C2orf42: variants seen among roughly 807,000 people sequenced by gnomAD.
C2orf42 encodes chromosome 2 open reading frame 42.
C2orf42 carries 44 observed loss-of-function variants against 58.9 expected under a neutral mutation model. The observed-to-expected ratio is 0.75, with a 90% CI of 0.59 to 0.96. C2orf42 has a LOEUF of 0.96. Ranked by LOEUF, C2orf42 falls within the 40% of genes least tolerant of loss-of-function variation. C2orf42 has a pLI of 0.00. For missense variants in C2orf42, 630 were observed against 699.2 expected, an observed-to-expected ratio of 0.90 and a Z score of 1.12; for synonymous variants, 239 against 265.4, an observed-to-expected ratio of 0.90 and a Z score of 0.97.
chr2:70,157,392 C>T (rs1672745248), intron 9 of C2orf42, among the ~76,000 whole-genome samples: 1 of 151,966 alleles, frequency 6.6e-6, no homozygotes, highest in South Asian at 2.1e-4. Context: ...GGGGCGGAGC[C>T]TGCAGTGAGC....
intron 2 of C2orf42, chr2:70,182,301 T>TG (rs781571233): frequency 8.9e-5 from 19 of 213,382 alleles, no homozygotes; most frequent in Non-Finnish European, 1.7e-4. Context: ...GGTTTGACCA[T>TG]GTTGGCCAGG....
Position 70,150,241 on chromosome 2 carries a change from G to C in C2orf42, c.*115C>G, listed in dbSNP as rs1255580438. ...GAAAGCACTGAGAATTTGCATCTTA[G>C]CTAAGAGCAGTTTACCAAGGAACAG... On this transcript the variant is annotated 3_prime_UTR_variant, in exon 10 of 10. Coordinates refer to ENST00000264434, the MANE Select transcript of C2orf42 (RefSeq NM_017880.3). The C allele has an allele frequency of 3.7e-6, 3 of 816,016 alleles. No homozygotes were observed. The African/African-American group carries it at 5.1e-5, about 14-fold the overall frequency. The allele number at this position is 816,016 out of a possible 1,614,324, so 50.5% of individuals were successfully genotyped here.
rs183867042 is a variant in C2orf42 at position 70,150,294 on chromosome 2, A to C, written c.*62T>G. On this transcript the variant is annotated 3_prime_UTR_variant, in exon 10 of 10. Transcript: ENST00000264434. ...CCATCTAAGTGCCTAACTAGCATTTAAAGTTGTCAAGGGGTGGGGATGTGC... is the reference window on the plus strand; with the variant it reads ...CCATCTAAGTGCCTAACTAGCATTTCAAGTTGTCAAGGGGTGGGGATGTGC... 1 of 1,431,232 alleles carries C rather than the reference A, an allele frequency of 7.0e-7. No homozygotes were observed. The highest frequency in any genetic ancestry group is 9.8e-7 in the Non-Finnish European group (1 of 1,022,968). 88.7% of individuals were successfully genotyped at this position (1,431,232 alleles called of 1,614,324 possible). A position where few individuals can be genotyped will look rare whatever the true frequency, so the allele number is the denominator to read the frequency against.
chr2:70,155,061 T>C (rs1343542768), intron 9 of C2orf42, among the ~76,000 whole-genome samples: 4 of 151,950 alleles, frequency 2.6e-5, no homozygotes, highest in African/African-American at 9.7e-5. Flanking sequence ...CTGGCCAACA[T>C]GGTGAAACCC....
rs1674422121 is a variant in C2orf42 at position 70,179,657 on chromosome 2, AT to A, written c.824-16del. 1 of 1,039,784 alleles carries A rather than the reference AT, an allele frequency of 9.6e-7. No individual in the cohort carries two copies. Among genetic ancestry groups the A allele is most frequent in the Non-Finnish European group, 1.5e-6 (1 of 665,718 alleles). The allele number at this position is 1,039,784 out of a possible 1,614,324, so 64.4% of individuals were successfully genotyped here. On this transcript the variant is annotated splice_polypyrimidine_tract_variant and intron_variant, in intron 3 of 9. Coordinates refer to ENST00000264434, the MANE Select transcript of C2orf42 (RefSeq NM_017880.3). ...CTCTTTAAGACCTAAAAAAAAGAAG[AT>A]TTCTGAATTATTAATCCTATCCAAG...
At chr2:70,162,162 C>A (rs1357573214) in intron 8 of C2orf42, among the ~76,000 whole-genome samples, 2 of 151,618 alleles carry the variant, frequency 1.3e-5, no homozygotes, top group African/African-American at 4.8e-5. Context: ...CAGGAGCAAG[C>A]CACCACGCCC....
At chr2:70,160,565 T>G in intron 9 of C2orf42, 60 bp downstream of exon 9, 1 of 1,114,406 alleles carries the variant, frequency 9.0e-7, no homozygotes, top group East Asian at 2.6e-5. Flanking sequence ...CTTTGGACAG[T>G]GTACTGTACT....
intron 5 of C2orf42, among the ~76,000 whole-genome samples, chr2:70,170,678 C>T (rs1467320003): frequency 1.3e-5 from 2 of 149,580 alleles, no homozygotes; most frequent in Non-Finnish European, 3.0e-5. Context: ...TGCTTGAACC[C>T]GGGAGGCGGA....
intron 5 of C2orf42, among the ~76,000 whole-genome samples, chr2:70,170,335 C>T (rs1385816362): frequency 6.6e-6 from 1 of 151,772 alleles, no homozygotes; most frequent in African/African-American, 2.4e-5. Flanking sequence ...CAACCTCCAC[C>T]TCCCAGGTTT....
chr2:70,156,497 G>GA (rs933252690), intron 9 of C2orf42, among the ~76,000 whole-genome samples: 4 of 151,266 alleles, frequency 2.6e-5, no homozygotes, highest in Non-Finnish European at 5.9e-5. Context: ...CCCTGTCTCT[G>GA]AAAAAAGATT....
chr2:70,155,878 G>A (rs1310397901), intron 9 of C2orf42, among the ~76,000 whole-genome samples: 16 of 151,802 alleles, frequency 1.1e-4, no homozygotes, highest in African/African-American at 3.6e-4. Context: ...ATCACTGGCC[G>A]AGTGCAGTGG....
At chr2:70,169,720 C>T (rs540482448) in intron 5 of C2orf42, 59 bp from the exon 6 acceptor site, 2 of 805,914 alleles carry the variant, frequency 2.5e-6, no homozygotes, top group East Asian at 2.5e-5. Flanking sequence ...ACAAAATAAA[C>T]AGCTAATTGA....
At chr2:70,158,507 T>C (rs999673748) in intron 9 of C2orf42, among the ~76,000 whole-genome samples, 2 of 152,110 alleles carry the variant, frequency 1.3e-5, no homozygotes, top group Admixed American at 6.6e-5. Context: ...TGAAGTGCAA[T>C]GGCACGATCT....
At chr2:70,173,829 C>T (rs1674001404) in intron 5 of C2orf42, among the ~76,000 whole-genome samples, 1 of 151,150 alleles carries the variant, frequency 6.6e-6, no homozygotes, top group African/African-American at 2.4e-5. Flanking sequence ...TGGAGTCTCA[C>T]TACTCCTACC....
chr2:70,184,203 T>C (rs1309534826), intron 1 of C2orf42, among the ~76,000 whole-genome samples: 1 of 101,376 alleles, frequency 9.9e-6, no homozygotes, highest in Non-Finnish European at 1.7e-5. Context: ...TTCCAATTTG[T>C]TAATCAGTGG....
chr2:70,158,959 T>C (rs1358756361), intron 9 of C2orf42, among the ~76,000 whole-genome samples: 1 of 140,266 alleles, frequency 7.1e-6, no homozygotes, highest in Non-Finnish European at 1.5e-5. Flanking sequence ...CTGGAGTGCA[T>C]GGAGTGCAGT....
At chr2:70,175,487 C>T (rs1389880434) in intron 5 of C2orf42, among the ~76,000 whole-genome samples, 186 bp downstream of exon 5, 2 of 152,164 alleles carry the variant, frequency 1.3e-5, no homozygotes, top group East Asian at 3.8e-4. Flanking sequence ...AGGATAATGG[C>T]CTCCAGCATA....
In C2orf42 at chr2:70,165,163, C is replaced by T; in HGVS notation, c.1282G>A (p.Gly428Arg). The change falls in exon 8 of 10, where the codon GGA becomes AGA. Residue 428 changes from glycine to arginine, a missense_variant. By Grantham distance (125) the Gly-to-Arg change is moderately radical. Coordinates refer to ENST00000264434, the MANE Select transcript of C2orf42 (RefSeq NM_017880.3). Reference sequence around the variant, plus strand: ...TGCCAAGTATACTTGGAAAAGGTTCCCAGTGGCAAGGCATCTTTCCGAACA... The same window carrying T: ...TGCCAAGTATACTTGGAAAAGGTTCTCAGTGGCAAGGCATCTTTCCGAACA... ...AFVRKDALPL[G>R]TFSKYTWHIT... 2 of 1,609,152 alleles carry T rather than the reference C, an allele frequency of 1.2e-6. No individual in the cohort carries two copies. The highest frequency in any genetic ancestry group is 1.7e-6 in the Non-Finnish European group (2 of 1,177,298).
At chr2:70,182,127 T>A in intron 2 of C2orf42, 130 bp from the exon 3 acceptor site, 1 of 589,638 alleles carries the variant, frequency 1.7e-6, no homozygotes, top group Non-Finnish European at 3.0e-6. Flanking sequence ...TTAGACGGAG[T>A]CTCGCTCTGT....
Sources: gnomAD v4.1 joint callset for allele counts (sites outside exome capture counted in the v4.1 genomes callset) on GRCh38, gnomAD v4.1.1 for gene constraint, MANE v1.5 for transcripts, NCBI Gene and HGNC (gene_info 2026-07-23, HGNC 2026-07-21) for gene names.